The following RGL1 variants were observed in gnomAD, a reference collection of about 807,000 sequenced individuals.
RGL1 encodes the protein ral guanine nucleotide dissociation stimulator like 1, also known as ral guanine nucleotide dissociation stimulator-like 1.
In RGL1, 24 loss-of-function variants were observed where a neutral mutation model predicts 95.2. That is an observed-to-expected ratio of 0.25 (90% CI 0.18 to 0.35). The LOEUF is 0.35. RGL1 is among the 10% of genes least tolerant of loss of function. The pLI is 1.00. For synonymous variants in RGL1, 329 were observed against 344.9 expected (o/e 0.95, Z 0.51); for missense variants, 715 against 936.3 (o/e 0.76, Z 3.08).
At chr1:183,663,281 C>A (rs1473873763) in intron 1 of RGL1, among the ~76,000 whole-genome samples, 1 of 151,668 alleles carries the variant, frequency 6.6e-6, no homozygotes, top group Admixed American at 6.6e-5. Context: ...AGGCAACCTA[C>A]AAAATGGGAG....
Position 183,805,232 on chromosome 1 carries a change from G to A in RGL1, c.-66G>A. On this transcript the variant is annotated 5_prime_UTR_variant, in exon 1 of 18. Coordinates refer to ENST00000360851, the MANE Select transcript of RGL1 (RefSeq NM_001297671.3). ...AGGCGCCGCGGGGCTGAGCCCAGCA[G>A]ACATTGCGTTGGCCTCCGAGCAGGG... The A allele has an allele frequency of 1.3e-6, 2 of 1,596,894 alleles. No individual in the cohort carries two copies. Among genetic ancestry groups the A allele is most frequent in the East Asian group, 2.3e-5 (1 of 44,166 alleles).
chr1:183,880,766 T>A lies in RGL1; in HGVS notation c.576T>A (p.Leu192=). The A allele has an allele frequency of 6.2e-7, 1 of 1,613,934 alleles. No homozygotes were observed. Among genetic ancestry groups the A allele is most frequent in the Admixed American group, 1.7e-5 (1 of 60,014 alleles). ...SDPERRAQNL[L]EQFQKQEVET... ...CAGAAAGAAGAGCACAAAATCTTCT[T>A]GAGCAGTTTCAGAAGCAAGAAGTGG... is the stretch of plus-strand genomic sequence containing the variant. The change falls in exon 5 of 18, where the codon CTT becomes CTA. Residue 192 remains leucine (L), a synonymous_variant. Coordinates refer to ENST00000360851, the MANE Select transcript of RGL1 (RefSeq NM_001297671.3).
chr1:183,844,038 C>A (rs1009575778), intron 2 of RGL1, among the ~76,000 whole-genome samples: 1 of 152,018 alleles, frequency 6.6e-6, no homozygotes, highest in Non-Finnish European at 1.5e-5. Context: ...GTTGGCCAGG[C>A]TGTTCTTGAA....
chr1:183,837,720 T>C (rs1318947446), intron 2 of RGL1, among the ~76,000 whole-genome samples: 2 of 152,152 alleles, frequency 1.3e-5, no homozygotes, highest in East Asian at 3.9e-4. Flanking sequence ...AGTTCAGCAG[T>C]CCCCAACCTT....
chr1:183,915,960 G>T (rs1336597590), intron 15 of RGL1, among the ~76,000 whole-genome samples: 1 of 152,180 alleles, frequency 6.6e-6, no homozygotes, highest in Non-Finnish European at 1.5e-5. Context: ...GGCCTTTCTA[G>T]CACTAATATT....
chr1:183,662,593 T>G (rs1651721169), intron 1 of RGL1, among the ~76,000 whole-genome samples: 1 of 152,204 alleles, frequency 6.6e-6, no homozygotes, highest in Non-Finnish European at 1.5e-5. Flanking sequence ...CATTCCATGC[T>G]CATGGGTAGG....
chr1:183,889,324 C>T (rs1043128322), intron 8 of RGL1, among the ~76,000 whole-genome samples: 1 of 152,148 alleles, frequency 6.6e-6, no homozygotes, highest in Non-Finnish European at 1.5e-5. Context: ...AGGCCAGCTA[C>T]ATTCAACAAG....
chr1:183,718,189 G>C (rs570771327), intron 1 of RGL1, among the ~76,000 whole-genome samples: 1 of 149,856 alleles, frequency 6.7e-6, no homozygotes, highest in South Asian at 2.1e-4. Flanking sequence ...AAGGTTGCTA[G>C]TGCCACTCTA....
intron 1 of RGL1, among the ~76,000 whole-genome samples, chr1:183,645,227 T>G (rs115277680): frequency 0.068 from 10,424 of 152,270 alleles, 616 homozygotes; most frequent in African/African-American, 0.16. Context: ...TAAGTCTTAC[T>G]AGAAATCAGT....
intron 1 of RGL1, among the ~76,000 whole-genome samples, chr1:183,716,232 G>T (rs966524377): frequency 6.6e-6 from 1 of 152,102 alleles, no homozygotes; most frequent in Admixed American, 6.5e-5. Context: ...TGACTCAGTC[G>T]ATCTAAGGGG....
chr1:183,648,057 A>G, intron 1 of RGL1: 18 of 1,614,232 alleles, frequency 1.1e-5, no homozygotes, highest in Non-Finnish European at 1.5e-5. Context: ...CTGGAGAAGA[A>G]CATCAGTGAA....
intron 3 of RGL1, among the ~76,000 whole-genome samples, chr1:183,856,781 G>A (rs1665180678): frequency 6.6e-6 from 1 of 151,934 alleles, no homozygotes; most frequent in African/African-American, 2.4e-5. Flanking sequence ...TAAGAAGGGT[G>A]TGAAAATCTT....
chr1:183,907,074 G>A lies in RGL1; in HGVS notation c.1535G>A (p.Arg512Gln), dbSNP rs200500728. The A allele has an allele frequency of 3.0e-5, 48 of 1,610,762 alleles. No individual in the cohort carries two copies. Among genetic ancestry groups the A allele is most frequent in the Non-Finnish European group, 3.7e-5 (43 of 1,177,826 alleles). Residue 512 changes from arginine (R) to glutamine (Q), a missense_variant, in exon 14 of 18, where the codon CGG (arginine) becomes CAG (glutamine). Coordinates refer to ENST00000360851, the MANE Select transcript of RGL1 (RefSeq NM_001297671.3). ...ADASTTSPKP[R>Q]KSMVKRLSLL... is the part of the protein sequence containing the mutation. ...GCCAGCACCACCTCGCCCAAGCCTCGGAAGAGCATGGTGAAGAGACTCAGC... is the reference window on the plus strand; with the variant it reads ...GCCAGCACCACCTCGCCCAAGCCTCAGAAGAGCATGGTGAAGAGACTCAGC...
intron 1 of RGL1, among the ~76,000 whole-genome samples, chr1:183,683,477 A>T (rs147569302): frequency 0.081 from 12,324 of 152,258 alleles, 922 homozygotes; most frequent in African/African-American, 0.2. Context: ...TTCTTTAAGA[A>T]TGTTGAATAT....
intron 1 of RGL1, among the ~76,000 whole-genome samples, chr1:183,702,257 T>G (rs1351644889): frequency 6.6e-6 from 1 of 152,014 alleles, no homozygotes; most frequent in Admixed American, 6.6e-5. Context: ...TGAGTCATGG[T>G]GAATTACGCC....
At chr1:183,820,078 T>C (rs1662362888) in intron 2 of RGL1, among the ~76,000 whole-genome samples, 2 of 152,110 alleles carry the variant, frequency 1.3e-5, no homozygotes, top group African/African-American at 4.8e-5. Context: ...TGAGCCACCA[T>C]GACTAGCCCA....
intron 7 of RGL1, among the ~76,000 whole-genome samples, chr1:183,885,212 T>C (rs138116309): frequency 2.0e-5 from 3 of 152,346 alleles, no homozygotes; most frequent in African/African-American, 7.2e-5. Context: ...GAGTGAGACA[T>C]TCTGTCTGCT....
intron 15 of RGL1, among the ~76,000 whole-genome samples, chr1:183,913,590 G>A (rs1668791679): frequency 1.3e-5 from 2 of 152,208 alleles, no homozygotes; most frequent in South Asian, 4.1e-4. Flanking sequence ...ACCATTTGGG[G>A]AAGGTTTCTG....
intron 3 of RGL1, among the ~76,000 whole-genome samples, chr1:183,864,883 A>G (rs551342187): frequency 1.3e-5 from 2 of 152,322 alleles, no homozygotes; most frequent in Admixed American, 6.5e-5. Flanking sequence ...GTGGGCTTTT[A>G]TTTTTAAAAG....
Sources: gnomAD v4.1 joint callset for allele counts (sites outside exome capture counted in the v4.1 genomes callset) on GRCh38, gnomAD v4.1.1 for gene constraint, MANE v1.5 for transcripts, NCBI Gene and HGNC (gene_info 2026-07-23, HGNC 2026-07-21) for gene names.